The following JAKMIP2 variants were observed in gnomAD, a reference collection of about 807,000 sequenced individuals.
The protein encoded by JAKMIP2 is janus kinase and microtubule-interacting protein 2.
Under a neutral mutation model 115.0 loss-of-function variants are expected in JAKMIP2, and 25 were observed. That is an observed-to-expected ratio of 0.22 (90% confidence interval 0.16 to 0.30). The LOEUF (loss-of-function observed/expected upper bound fraction) is 0.30, where lower values mean the gene tolerates loss of function less well. Among genes scored for constraint, JAKMIP2 ranks in the 10% least tolerant of loss-of-function variants. The pLI is 1.00. For missense variants in JAKMIP2, 642 were observed against 957.6 expected, an observed-to-expected ratio of 0.67 and a Z score of 4.35; for synonymous variants, 334 against 343.6, an observed-to-expected ratio of 0.97 and a Z score of 0.31.
At chr5:147,607,635 G>A (rs1756096535) in intron 20 of JAKMIP2, among the ~76,000 whole-genome samples, 1 of 151,864 alleles carries the variant, frequency 6.6e-6, no homozygotes, top group African/African-American at 2.4e-5. Flanking sequence ...CTGAAATTTT[G>A]TTGTTGTTGT....
chr5:147,697,345 G>T (rs1458441176), intron 1 of JAKMIP2, among the ~76,000 whole-genome samples: 4 of 152,170 alleles, frequency 2.6e-5, no homozygotes, highest in Non-Finnish European at 5.9e-5. Context: ...CAGCCCCCAT[G>T]ATTCAATTAT....
chr5:147,768,775 T>A (rs533218232), intron 1 of JAKMIP2, among the ~76,000 whole-genome samples: 10 of 152,292 alleles, frequency 6.6e-5, no homozygotes, highest in Non-Finnish European at 1.2e-4. Flanking sequence ...AGACTTTATA[T>A]CTTTATGGCA....
At chr5:147,645,041 G>A (rs781113701) in intron 5 of JAKMIP2, 45 bp from the exon 6 acceptor site, 2 of 1,598,282 alleles carry the variant, frequency 1.3e-6, no homozygotes, top group African/African-American at 1.4e-5. Context: ...TTTGGGGGAC[G>A]TGGGGGCAGG....
intron 1 of JAKMIP2, among the ~76,000 whole-genome samples, chr5:147,685,176 T>G (rs1178984496): frequency 6.6e-6 from 1 of 152,204 alleles, no homozygotes; most frequent in East Asian, 1.9e-4. Context: ...AGCTTCTTAG[T>G]GCTTCTCTCA....
chr5:147,749,549 C>T (rs1285591990), intron 1 of JAKMIP2, among the ~76,000 whole-genome samples: 3 of 152,150 alleles, frequency 2.0e-5, no homozygotes, highest in South Asian at 4.1e-4. Context: ...TCACTTGACA[C>T]TCTGTGAGTT....
intron 1 of JAKMIP2, among the ~76,000 whole-genome samples, chr5:147,717,378 T>C (rs1753049016): frequency 6.8e-6 from 1 of 146,930 alleles, no homozygotes; most frequent in South Asian, 2.3e-4. Context: ...TCCAATTCTG[T>C]GAAGAAAGGC....
chr5:147,670,588 A>G (rs1008036965), intron 2 of JAKMIP2, among the ~76,000 whole-genome samples: 7 of 152,190 alleles, frequency 4.6e-5, no homozygotes, highest in Non-Finnish European at 8.8e-5. Context: ...CTAGTTAGCA[A>G]CTGACTTAAA....
intron 2 of JAKMIP2, among the ~76,000 whole-genome samples, chr5:147,670,098 T>C (rs1759504784): frequency 6.6e-6 from 1 of 152,236 alleles, no homozygotes; most frequent in Non-Finnish European, 1.5e-5. Context: ...AATGACATCA[T>C]GTTCCCTTTG....
chr5:147,666,363 A>T (rs1759299306), intron 2 of JAKMIP2, among the ~76,000 whole-genome samples: 1 of 152,198 alleles, frequency 6.6e-6, no homozygotes, highest in South Asian at 2.1e-4. Context: ...TAAAGATGAT[A>T]ATACTTTGAA....
chr5:147,601,975 G>A (rs184373461), intron 20 of JAKMIP2, among the ~76,000 whole-genome samples, 164 bp from the exon 21 acceptor site: 2 of 152,276 alleles, frequency 1.3e-5, no homozygotes. Flanking sequence ...TGTAGCTACT[G>A]ACAGAGTATC....
Position 147,588,410 on chromosome 5 carries a change from T to G in JAKMIP2, c.*3297A>C, listed in dbSNP as rs901351796. ...CAGGAAATCTCAGTTATTGATAACT[T>G]TTTTTTTTTTTTTTTTGCTATTGCT... On this transcript the variant is annotated 3_prime_UTR_variant, in exon 22 of 22. Transcript: ENST00000616793. The G allele has an allele frequency of 3.6e-5, 4 of 111,504 alleles. No individual in the cohort carries two copies. The highest frequency in any genetic ancestry group is 6.0e-5 in the Non-Finnish European group (3 of 50,394). The allele number at this position is 111,504 out of a possible 1,614,324, so 6.9% of individuals were successfully genotyped here. A position where few individuals can be genotyped will look rare whatever the true frequency, so the allele number is the denominator to read the frequency against.
In JAKMIP2 at chr5:147,726,824, T is replaced by TCTGCCA. The variant is rs1232175941; in HGVS notation, c.-148-54871_-148-54870insTGGCAG. Among the ~76,000 whole-genome samples the TCTGCCA allele has an allele frequency of 1.2e-3, 182 of 152,340 alleles. 1 individual carries two copies. Among genetic ancestry groups the TCTGCCA allele is most frequent in the African/African-American group, 4.2e-3 (173 of 41,576 alleles). ...TGTGACCATATGGCAGTACTTTCTTTTAGTCTCTGCTTATCCAGAGGACAG... is the reference window on the plus strand; with the variant it reads ...TGTGACCATATGGCAGTACTTTCTTTCTGCCATAGTCTCTGCTTATCCAGAGGACAG... On this transcript the variant is annotated intron_variant, in intron 1 of 21. Transcript: ENST00000616793.
intron 1 of JAKMIP2, among the ~76,000 whole-genome samples, chr5:147,715,525 G>A (rs1341303211): frequency 6.6e-6 from 1 of 150,672 alleles, no homozygotes; most frequent in African/African-American, 2.4e-5. Flanking sequence ...AGCCTGTGAC[G>A]GCTGTATTAA....
chr5:147,629,508 C>T (rs1757259486), intron 15 of JAKMIP2, among the ~76,000 whole-genome samples, 185 bp downstream of exon 15: 1 of 152,150 alleles, frequency 6.6e-6, no homozygotes. Context: ...CTGCTACTAC[C>T]TTCCAGAGAT....
At chr5:147,686,694 C>T (rs569930678) in intron 1 of JAKMIP2, among the ~76,000 whole-genome samples, 4 of 152,286 alleles carry the variant, frequency 2.6e-5, no homozygotes, top group East Asian at 1.9e-4. Flanking sequence ...CAGATGACTA[C>T]AGCATGAAGT....
intron 12 of JAKMIP2, among the ~76,000 whole-genome samples, chr5:147,635,648 G>A (rs887725954): frequency 3.3e-5 from 5 of 152,080 alleles, no homozygotes; most frequent in African/African-American, 9.7e-5. Context: ...TGCAACCTCC[G>A]CCTCTTGGGT....
chr5:147,612,405 G>C, intron 19 of JAKMIP2, 34 bp from the exon 20 acceptor site: 1 of 1,315,986 alleles, frequency 7.6e-7, no homozygotes, highest in Non-Finnish European at 1.1e-6. Flanking sequence ...GAAAGCATCA[G>C]TAGGTGGTAA....
chr5:147,666,480 G>T (rs139611404), intron 2 of JAKMIP2, among the ~76,000 whole-genome samples: 55 of 152,268 alleles, frequency 3.6e-4, no homozygotes, highest in South Asian at 2.1e-3. Flanking sequence ...TTTATTGAGG[G>T]TTTAATATGA....
chr5:147,593,168 C>T (rs1408949411), intron 21 of JAKMIP2, among the ~76,000 whole-genome samples: 1 of 152,170 alleles, frequency 6.6e-6, no homozygotes, highest in Non-Finnish European at 1.5e-5. Context: ...TAGTTGTCTC[C>T]TTGCTCCACA....
Sources: gnomAD v4.1 joint callset for allele counts (sites outside exome capture counted in the v4.1 genomes callset) on GRCh38, gnomAD v4.1.1 for gene constraint, MANE v1.5 for transcripts, NCBI Gene and HGNC (gene_info 2026-07-23, HGNC 2026-07-21) for gene names.